CACNG4: variants seen among roughly 807,000 people sequenced by gnomAD.
CACNG4 encodes the protein calcium voltage-gated channel auxiliary subunit gamma 4, also known as voltage-dependent calcium channel gamma-4 subunit.
A neutral mutation model predicts 22.9 loss-of-function variants in CACNG4; 8 were observed. The ratio of observed to expected loss-of-function variants is 0.35; its 90% confidence interval spans 0.21 to 0.63. The LOEUF (loss-of-function observed/expected upper bound fraction) is 0.63, where lower values mean the gene tolerates loss of function less well. Ranked by LOEUF, CACNG4 falls within the 30% of genes least tolerant of loss-of-function variation. CACNG4 has a pLI of 0.72. For synonymous variants in CACNG4, 188 were observed against 191.9 expected (o/e 0.98, Z 0.17); for missense variants, 357 against 455.4 (o/e 0.78, Z 1.97).
At chr17:67,020,066 G>C (rs1053819335) in intron 2 of CACNG4, 3 of 152,568 alleles carry the variant, frequency 2.0e-5, no homozygotes, top group South Asian at 2.1e-4. Flanking sequence ...GGATAGGTGA[G>C]GGGGGCAGGC....
At chr17:67,015,647 G>A (rs1399573619) in intron 1 of CACNG4, among the ~76,000 whole-genome samples, 1 of 152,200 alleles carries the variant, frequency 6.6e-6, no homozygotes, top group Non-Finnish European at 1.5e-5. Flanking sequence ...ACGTGGAAGG[G>A]TGTGCCCACG....
chr17:66,976,328 C>T (rs948071507), intron 1 of CACNG4, among the ~76,000 whole-genome samples: 1 of 151,200 alleles, frequency 6.6e-6, no homozygotes, highest in Admixed American at 6.6e-5. Context: ...CCTCCTCCCT[C>T]TGTCTTTCCT....
At chr17:66,987,859 G>T (rs1193536820) in intron 1 of CACNG4, among the ~76,000 whole-genome samples, 1 of 151,944 alleles carries the variant, frequency 6.6e-6, no homozygotes, top group Non-Finnish European at 1.5e-5. Context: ...CGATCTCAGC[G>T]GTGCATTCAG....
chr17:67,028,060 A>C (rs1197562450), intron 3 of CACNG4, among the ~76,000 whole-genome samples: 1 of 152,024 alleles, frequency 6.6e-6, no homozygotes, highest in Non-Finnish European at 1.5e-5. Flanking sequence ...GTAGGGTAAA[A>C]AAAAACCATG....
chr17:66,997,478 C>A (rs1598112479), intron 1 of CACNG4, among the ~76,000 whole-genome samples: 1 of 152,052 alleles, frequency 6.6e-6, no homozygotes, highest in Admixed American at 6.6e-5. Context: ...GAGATGTCCC[C>A]GGGGATGGGA....
At chr17:66,997,991 G>A (rs1315478343) in intron 1 of CACNG4, among the ~76,000 whole-genome samples, 7 of 152,182 alleles carry the variant, frequency 4.6e-5, no homozygotes, top group African/African-American at 7.2e-5. Context: ...TTAGGAGGGC[G>A]TGAGAGAGAA....
intron 1 of CACNG4, among the ~76,000 whole-genome samples, chr17:66,973,749 G>A (rs528370115): frequency 2.0e-4 from 31 of 152,254 alleles, no homozygotes; most frequent in African/African-American, 6.5e-4. Flanking sequence ...TCTCTCCAGC[G>A]GGTGCATGGG....
rs2035165361 is a variant in CACNG4 at position 66,965,654 on chromosome 17, C to A, written c.220+523C>A. Among the ~76,000 whole-genome samples the A allele has an allele frequency of 6.5e-5, 9 of 138,696 alleles. No homozygotes were observed. The South Asian group carries it at 2.1e-3, about 33-fold the overall frequency. The allele number at this position is 138,696 out of a possible 152,430, so 91.0% of individuals were successfully genotyped here. ...GGCGGGGCCGGCCGGGGGCGGGGCG[C>A]GTCGGTGCCGCTGGGCGCTTTCTAC... On this transcript the variant is annotated intron_variant, in intron 1 of 3. Transcript: ENST00000262138.
intron 1 of CACNG4, among the ~76,000 whole-genome samples, chr17:67,012,338 T>C (rs928368124): frequency 6.6e-6 from 1 of 152,204 alleles, no homozygotes; most frequent in Non-Finnish European, 1.5e-5. Flanking sequence ...AGGAGCATTA[T>C]TGCAGAGATG....
At chr17:67,002,618 T>TTCTC (rs58727233) in intron 1 of CACNG4, among the ~76,000 whole-genome samples, 26,225 of 145,394 alleles carry the variant, frequency 0.18, 2,452 homozygotes, top group South Asian at 0.3. Context: ...ATCTCTCTCT[T>TTCTC]TCTCTCTCTC....
At chr17:66,982,187 C>G (rs147225791) in intron 1 of CACNG4, among the ~76,000 whole-genome samples, 1 of 152,188 alleles carries the variant, frequency 6.6e-6, no homozygotes, top group African/African-American at 2.4e-5. Context: ...GAGACCCAAG[C>G]GGATTGCCGC....
chr17:67,018,305 T>C (rs955916924), intron 2 of CACNG4, 33 bp downstream of exon 2: 6 of 1,558,294 alleles, frequency 3.9e-6, no homozygotes, highest in Non-Finnish European at 4.4e-6. Context: ...TCTCTTTCTG[T>C]GGGGAGGCGG....
At chr17:66,970,475 A>G (rs1328393760) in intron 1 of CACNG4, among the ~76,000 whole-genome samples, 1 of 152,138 alleles carries the variant, frequency 6.6e-6, no homozygotes, top group East Asian at 1.9e-4. Context: ...CGGCTTCTTC[A>G]TGCAAGTTCC....
Position 66,984,472 on chromosome 17 carries a change from C to T in CACNG4, c.220+19341C>T, listed in dbSNP as rs2035294131. Among the ~76,000 whole-genome samples the T allele has an allele frequency of 6.6e-6, 1 of 152,190 alleles. No homozygotes were observed. Among genetic ancestry groups the T allele is most frequent in the African/African-American group, 2.4e-5 (1 of 41,454 alleles). On this transcript the variant is annotated intron_variant, in intron 1 of 3. Transcript: ENST00000262138. This position sits in a 1 kb window ranked among gnomAD's most constrained non-coding sequence, Gnocchi z 4.0. ...GCCCCCATTCATCCCCAACTGCTGG[C>T]CTGTATTTTCTTCAGTCCTAGGTGA...
rs398031375 is a variant in CACNG4 at position 67,023,588 on chromosome 17, T to TA, written c.305-1270dup. Among the ~76,000 whole-genome samples the TA allele has an allele frequency of 1.2e-4, 17 of 141,958 alleles. No homozygotes were observed. In the East Asian group the frequency reaches 3.4e-3, roughly 28 times the overall value. The allele number at this position is 141,958 out of a possible 152,430, so 93.1% of individuals were successfully genotyped here. ...CCGCGCCCAGCCCTTTTTTTTTTTT[T>TA]AAGACAGAATGTCACTCTTGTCGCC... On this transcript the variant is annotated intron_variant, in intron 2 of 3. Coordinates refer to ENST00000262138, the MANE Select transcript of CACNG4 (RefSeq NM_014405.4).
chr17:66,975,172 G>C (rs1182342927), intron 1 of CACNG4, among the ~76,000 whole-genome samples: 2 of 152,166 alleles, frequency 1.3e-5, no homozygotes, highest in African/African-American at 2.4e-5. Flanking sequence ...CTTGACTCAA[G>C]CCCAGCTCCA....
chr17:66,985,533 C>G (rs564091171), intron 1 of CACNG4, among the ~76,000 whole-genome samples: 11 of 152,118 alleles, frequency 7.2e-5, no homozygotes, highest in African/African-American at 2.4e-4. Context: ...GGGAAAGTCC[C>G]GGGGGGCTTC....
intron 2 of CACNG4, among the ~76,000 whole-genome samples, chr17:67,024,211 G>A (rs960595223): frequency 3.9e-5 from 6 of 152,214 alleles, no homozygotes; most frequent in Non-Finnish European, 7.3e-5. Flanking sequence ...AGGGGCTGAT[G>A]ATGATGATGA....
rs2035156106 is a variant in CACNG4 at position 66,964,863 on chromosome 17, C to A, written c.-49C>A. On this transcript the variant is annotated 5_prime_UTR_variant, in exon 1 of 4. Coordinates refer to ENST00000262138, the MANE Select transcript of CACNG4 (RefSeq NM_014405.4). ...CGGCGCGCGGAGGGAGGAGGGCGGG[C>A]GGGCGCGGCGGGCCGGGCCGGCGGG... The A allele has an allele frequency of 2.6e-6, 3 of 1,146,416 alleles. No individual in the cohort carries two copies. Among genetic ancestry groups the A allele is most frequent in the East Asian group, 8.4e-5 (2 of 23,788 alleles). 71.0% of individuals were successfully genotyped at this position (1,146,416 alleles called of 1,614,324 possible). A position where few individuals can be genotyped will look rare whatever the true frequency, so the allele number is the denominator to read the frequency against.
Sources: gnomAD v4.1 joint callset for allele counts (sites outside exome capture counted in the v4.1 genomes callset) on GRCh38, gnomAD v4.1.1 for gene constraint, Gnocchi (gnomAD v3.1) non-coding constraint, MANE v1.5 for transcripts, NCBI Gene and HGNC (gene_info 2026-07-23, HGNC 2026-07-21) for gene names.